TSHZ3: variants seen among roughly 807,000 people sequenced by gnomAD.
TSHZ3 encodes teashirt zinc finger homeobox 3.
Under a neutral mutation model 64.5 loss-of-function variants are expected in TSHZ3, and 10 were observed. The ratio of observed to expected loss-of-function variants is 0.16; its 90% confidence interval spans 0.10 to 0.26. The LOEUF (loss-of-function observed/expected upper bound fraction) is 0.26. TSHZ3 is among the 10% of genes least tolerant of loss of function. The pLI, the probability that TSHZ3 is intolerant of heterozygous loss-of-function variation, is 1.00. For missense variants in TSHZ3, 1,242 were observed against 1,421.7 expected (o/e 0.87, Z 2.03); for synonymous variants, 608 against 593.1 (o/e 1.03, Z -0.36).
At chr19:31,336,303 G>A (rs941573535) in intron 1 of TSHZ3, among the ~76,000 whole-genome samples, 2 of 152,150 alleles carry the variant, frequency 1.3e-5, no homozygotes, top group African/African-American at 4.8e-5. Context: ...GAGGCTGAAA[G>A]GGGCACCCAG....
chr19:31,282,592 G>A (rs570562774), intron 1 of TSHZ3, among the ~76,000 whole-genome samples: 3 of 152,170 alleles, frequency 2.0e-5, no homozygotes, highest in African/African-American at 7.2e-5. Flanking sequence ...AGCCCAGGCC[G>A]TCCGGAGCAC....
At chr19:31,261,593 C>T (rs1006487085) in intron 1 of TSHZ3, among the ~76,000 whole-genome samples, 1 of 152,130 alleles carries the variant, frequency 6.6e-6, no homozygotes, top group African/African-American at 2.4e-5. Flanking sequence ...TAGCATACTC[C>T]AAGTGTTCTC....
upstream of TSHZ3, among the ~76,000 whole-genome samples, chr19:31,350,640 G>T (rs1047226749): frequency 1.3e-5 from 2 of 151,648 alleles, no homozygotes; most frequent in Non-Finnish European, 1.5e-5. Flanking sequence ...CTGAGGCTCC[G>T]GGCCGGCCCG....
In TSHZ3 at chr19:31,277,082, A is replaced by G; in HGVS notation, c.2711T>C (p.Leu904Pro). ...RQSNWNPQHL[L>P]ILQAQFAASL... ...GGCGGCAAACTGGGCCTGGAGGATCAGGAGGTGCTGGGGGTTCCAGTTTGA... is the reference window on the plus strand; with the variant it reads ...GGCGGCAAACTGGGCCTGGAGGATCGGGAGGTGCTGGGGGTTCCAGTTTGA... Residue 904 changes from leucine to proline, a missense_variant, in exon 2 of 2, where the codon CTG becomes CCG. Transcript: ENST00000240587. The surrounding 1 kb of genome is among the most constrained non-coding windows in gnomAD (Gnocchi z 4.5). 6.2e-7 allele frequency: 1 copy of G among 1,607,390 alleles called. No homozygotes were observed. The highest frequency in any genetic ancestry group is 8.5e-7 in the Non-Finnish European group (1 of 1,176,010).
At chr19:31,153,039 T>A (rs998248359) in intron 6 of TSHZ3, among the ~76,000 whole-genome samples, 1 of 152,240 alleles carries the variant, frequency 6.6e-6, no homozygotes, top group Middle Eastern at 3.2e-3. Context: ...ATTTAGGCTG[T>A]CTTTTAGATG....
At chr19:31,286,394 G>GACAAAAC (rs1358442278) in intron 1 of TSHZ3, among the ~76,000 whole-genome samples, 1 of 152,164 alleles carries the variant, frequency 6.6e-6, no homozygotes, top group African/African-American at 2.4e-5. Context: ...AAAACACAAA[G>GACAAAAC]ACAAAACACG....
At chr19:31,237,010 G>A (rs1390535702) in intron 3 of TSHZ3, among the ~76,000 whole-genome samples, 5 of 152,108 alleles carry the variant, frequency 3.3e-5, no homozygotes, top group South Asian at 2.1e-4. Flanking sequence ...TTAGCCGGGC[G>A]AGGTGGCACA....
intron 1 of TSHZ3, among the ~76,000 whole-genome samples, chr19:31,245,464 T>A (rs1034233959): frequency 5.9e-5 from 9 of 152,114 alleles, no homozygotes; most frequent in Non-Finnish European, 1.3e-4. Context: ...GTCACCCCTA[T>A]CTCCTCCAGC....
At chr19:31,339,276 A>G (rs551499895) in intron 1 of TSHZ3, among the ~76,000 whole-genome samples, 4 of 152,062 alleles carry the variant, frequency 2.6e-5, no homozygotes, top group African/African-American at 7.3e-5. Flanking sequence ...GGGGAAAAAA[A>G]GTCAGAAGAG....
At chr19:31,285,862 C>A (rs1294037356) in intron 1 of TSHZ3, among the ~76,000 whole-genome samples, 2 of 151,586 alleles carry the variant, frequency 1.3e-5, no homozygotes, top group African/African-American at 2.4e-5. Flanking sequence ...CCCTCTATCC[C>A]TCTTTTCTCT....
chr19:31,298,761 A>G (rs1168732453), intron 1 of TSHZ3, among the ~76,000 whole-genome samples: 2 of 151,984 alleles, frequency 1.3e-5, no homozygotes, highest in South Asian at 2.1e-4. Context: ...GGATGAGGAC[A>G]CAGAACGAGG....
At chr19:31,301,739 T>A (rs16965413) in intron 1 of TSHZ3, among the ~76,000 whole-genome samples, 40,316 of 152,108 alleles carry the variant, frequency 0.27, 6,560 homozygotes, top group East Asian at 0.45. Context: ...TTGCCAGACA[T>A]GACAATCATA....
At chr19:31,264,192 TG>T (rs1386328843) in intron 1 of TSHZ3, among the ~76,000 whole-genome samples, 1 of 152,178 alleles carries the variant, frequency 6.6e-6, no homozygotes, top group Non-Finnish European at 1.5e-5. Flanking sequence ...CCTATGATTG[TG>T]GGGACATATT....
At chr19:31,283,178 A>C (rs2058148322) in intron 1 of TSHZ3, among the ~76,000 whole-genome samples, 1 of 152,052 alleles carries the variant, frequency 6.6e-6, no homozygotes, top group Admixed American at 6.5e-5. Context: ...ACTAAAATAC[A>C]AAAAAATTAG....
intron 1 of TSHZ3, among the ~76,000 whole-genome samples, chr19:31,269,191 G>A (rs1976098879): frequency 6.6e-6 from 1 of 152,092 alleles, no homozygotes; most frequent in African/African-American, 2.4e-5. Flanking sequence ...CTGCTTCTCT[G>A]TTAGCCTAGC....
At chr19:31,313,409 C>G (rs1024971556) in intron 1 of TSHZ3, among the ~76,000 whole-genome samples, 2 of 152,198 alleles carry the variant, frequency 1.3e-5, no homozygotes, top group African/African-American at 4.8e-5. Flanking sequence ...GGCTGCTGAC[C>G]GGGAGCTGGA....
At chr19:31,230,318 AT>A (rs1464542274) in intron 3 of TSHZ3, among the ~76,000 whole-genome samples, 6 of 152,160 alleles carry the variant, frequency 3.9e-5, no homozygotes, top group Non-Finnish European at 4.4e-5. Context: ...TTTTTAAAAA[AT>A]GTATGTATGT....
At chr19:31,187,881 C>G (rs1203672329) in intron 5 of TSHZ3, among the ~76,000 whole-genome samples, 1 of 152,026 alleles carries the variant, frequency 6.6e-6, no homozygotes, top group East Asian at 1.9e-4. Context: ...ACTTTGTTCT[C>G]TTTAATATTG....
chr19:31,338,273 C>G (rs1180583389), intron 1 of TSHZ3, among the ~76,000 whole-genome samples: 2 of 152,142 alleles, frequency 1.3e-5, no homozygotes, highest in Non-Finnish European at 2.9e-5. Flanking sequence ...CTGGTGCACA[C>G]AGCTCAAGGG....
Sources: allele counts gnomAD v4.1 joint callset (sites outside exome capture counted in the v4.1 genomes callset), GRCh38; gene constraint gnomAD v4.1.1; non-coding constraint Gnocchi (gnomAD v3.1); transcripts MANE v1.5; gene names NCBI Gene and HGNC (gene_info 2026-07-23, HGNC 2026-07-21).